DOCK8: variants seen among roughly 807,000 people sequenced by gnomAD.
DOCK8 encodes dedicator of cytokinesis 8, also known as dedicator of cytokinesis protein 8.
In DOCK8, 141 loss-of-function variants were observed where a neutral mutation model predicts 245.6. That is an observed-to-expected ratio of 0.57 (90% CI 0.50 to 0.66). The LOEUF (loss-of-function observed/expected upper bound fraction) is 0.66, where lower values mean the gene tolerates loss of function less well. Ranked by LOEUF, DOCK8 falls within the 30% of genes least tolerant of loss-of-function variation. The pLI, the probability that DOCK8 is intolerant of heterozygous loss-of-function variation, is 0.00. For synonymous variants in DOCK8, 1,168 were observed against 970.2 expected (o/e 1.20, Z -3.79); for missense variants, 2,965 against 2,603.4 (o/e 1.14, Z -3.02).
intron 46 of DOCK8, among the ~76,000 whole-genome samples, chr9:461,963 A>C (rs574929786): frequency 2.7e-4 from 35 of 128,816 alleles, no homozygotes; most frequent in East Asian, 7.1e-4. Flanking sequence ...CCTTTTATTT[A>C]TTTTCTTTTT....
chr9:390,686 A>C, intron 24 of DOCK8, 120 bp downstream of exon 24: 1 of 868,550 alleles, frequency 1.2e-6, no homozygotes. Flanking sequence ...GTTTCTTGAA[A>C]TCTAATAATC....
At chr9:369,897 G>T (rs2053205950) in intron 15 of DOCK8, 2 of 345,506 alleles carry the variant, frequency 5.8e-6, no homozygotes, top group Admixed American at 4.1e-5. Flanking sequence ...TGCTTCCTAG[G>T]CTCAAGCGAT....
chr9:420,346 T>A (rs1249877802), intron 30 of DOCK8, 55 bp from the exon 31 acceptor site: 41 of 1,604,184 alleles, frequency 2.6e-5, no homozygotes, highest in Non-Finnish European at 3.4e-5. Flanking sequence ...GCCTCAAATT[T>A]TTCTGTTGCT....
intron 46 of DOCK8, among the ~76,000 whole-genome samples, chr9:455,610 T>A (rs2057611735): frequency 6.6e-6 from 1 of 152,170 alleles, no homozygotes; most frequent in Non-Finnish European, 1.5e-5. Flanking sequence ...CTGCTGCTGC[T>A]ACACTGGACC....
At chr9:462,820 G>A (rs1185017295) in intron 46 of DOCK8, among the ~76,000 whole-genome samples, 2 of 152,196 alleles carry the variant, frequency 1.3e-5, no homozygotes, top group Non-Finnish European at 2.9e-5. Flanking sequence ...AAATCACAGT[G>A]AGTTTTTTGT....
intron 4 of DOCK8, among the ~76,000 whole-genome samples, chr9:291,078 C>A (rs1458871393): frequency 6.6e-6 from 1 of 152,118 alleles, no homozygotes; most frequent in Non-Finnish European, 1.5e-5. Context: ...GATTTCAGAA[C>A]AAGTTGTTCT....
chr9:358,886 A>AT (rs1459418261), intron 14 of DOCK8, among the ~76,000 whole-genome samples: 1 of 152,202 alleles, frequency 6.6e-6, no homozygotes, highest in Admixed American at 6.5e-5. Flanking sequence ...AAACCTGCAA[A>AT]TTTGAGCTGC....
intron 39 of DOCK8, among the ~76,000 whole-genome samples, chr9:436,037 G>A (rs2056888922): frequency 6.6e-6 from 1 of 152,220 alleles, no homozygotes; most frequent in African/African-American, 2.4e-5. Flanking sequence ...ATTTTGTGAT[G>A]TTGTATGAAC....
At chr9:283,621 A>G (rs912025730) in intron 2 of DOCK8, among the ~76,000 whole-genome samples, 1 of 152,034 alleles carries the variant, frequency 6.6e-6, no homozygotes, top group African/African-American at 2.4e-5. Flanking sequence ...TTTAGCTCCC[A>G]CTTCTAAATG....
At chr9:428,089 G>A (rs890319471) in intron 34 of DOCK8, among the ~76,000 whole-genome samples, 2 of 152,332 alleles carry the variant, frequency 1.3e-5, no homozygotes, top group African/African-American at 4.8e-5. Context: ...TCCAAAAGAT[G>A]TGACCCAGGA....
At chr9:296,762 C>A (rs1295622287) in intron 4 of DOCK8, among the ~76,000 whole-genome samples, 1 of 152,198 alleles carries the variant, frequency 6.6e-6, no homozygotes, top group East Asian at 1.9e-4. Context: ...GCACGCCCGG[C>A]TCATCAGCCT....
At chr9:334,954 A>C (rs945202958) in intron 11 of DOCK8, among the ~76,000 whole-genome samples, 2 of 152,032 alleles carry the variant, frequency 1.3e-5, no homozygotes, top group African/African-American at 4.8e-5. Context: ...GTGGTGGTAC[A>C]CGTCTGTAAT....
chr9:324,111 C>T (rs7853752), intron 7 of DOCK8, among the ~76,000 whole-genome samples: 2,272 of 152,286 alleles, frequency 0.015, 56 homozygotes, highest in African/African-American at 0.051. Context: ...TGATTAGGGT[C>T]GCAGAATTAG....
chr9:371,333 A>C, intron 16 of DOCK8, 95 bp from the exon 17 acceptor site: 1 of 1,491,762 alleles, frequency 6.7e-7, no homozygotes, highest in Non-Finnish European at 9.3e-7. Flanking sequence ...AACACCAGGC[A>C]AATTCTGAGG....
In DOCK8 at chr9:429,682, G is replaced by C. The variant is rs750715984; in HGVS notation, c.4474-20G>C. The C allele has an allele frequency of 4.3e-6, 7 of 1,613,948 alleles. No individual in the cohort carries two copies. The highest frequency in any genetic ancestry group is 5.1e-6 in the Non-Finnish European group (6 of 1,180,020). On this transcript the variant is annotated intron_variant, in intron 35 of 47. Transcript: ENST00000432829. ...TCAAACTGCCAAGTGATGCCTAATG[G>C]CCCTTTATGTCTCTCCTAGTTTGGA... is the stretch of plus-strand genomic sequence containing the variant.
chr9:258,174 A>T (rs1378984974), intron 1 of DOCK8, among the ~76,000 whole-genome samples: 2 of 152,226 alleles, frequency 1.3e-5, no homozygotes, highest in Non-Finnish European at 2.9e-5. Flanking sequence ...TAGCAAAGGC[A>T]TGTGTATTTC....
At position 322,548 on chromosome 9, in the gene DOCK8, T is replaced by C. The variant is rs2050557228; in HGVS notation, c.828-3123T>C. 2.0e-5 allele frequency among the ~76,000 whole-genome samples: 3 copies of C among 152,178 alleles called. No individual in the cohort carries two copies. In the South Asian group the frequency reaches 6.2e-4, roughly 31 times the overall value. ...AACCTTGCTTTCCTGGTGTGTTAAATGCAGATAATATCTGCATTACGCTGT... is the reference window on the plus strand; with the variant it reads ...AACCTTGCTTTCCTGGTGTGTTAAACGCAGATAATATCTGCATTACGCTGT... On this transcript the variant is annotated intron_variant, in intron 7 of 47. Transcript: ENST00000432829.
intron 9 of DOCK8, among the ~76,000 whole-genome samples, chr9:328,935 T>C (rs967845712): frequency 6.7e-6 from 1 of 149,546 alleles, no homozygotes; most frequent in Non-Finnish European, 1.5e-5. Context: ...ATTGGTCTTA[T>C]TGATTCTTTT....
chr9:316,497 C>G (rs1179283743), intron 6 of DOCK8, among the ~76,000 whole-genome samples: 2 of 152,174 alleles, frequency 1.3e-5, no homozygotes, highest in Non-Finnish European at 2.9e-5. Context: ...CTGCATAAGC[C>G]TGTCTAGAAC....
Sources: allele counts gnomAD v4.1 joint callset (sites outside exome capture counted in the v4.1 genomes callset), GRCh38; gene constraint gnomAD v4.1.1; transcripts MANE v1.5; gene names NCBI Gene and HGNC (gene_info 2026-07-23, HGNC 2026-07-21).